Variants in MYH15 observed in about 807,000 individuals in gnomAD.
MYH15 encodes myosin-15.
Under a neutral mutation model 240.5 loss-of-function variants are expected in MYH15, and 227 were observed. That is an observed-to-expected ratio of 0.94 (90% CI 0.85 to 1.05). The LOEUF (loss-of-function observed/expected upper bound fraction) is 1.05. Ranked by LOEUF, MYH15 falls within the 50% of genes least tolerant of loss-of-function variation. The probability of loss-of-function intolerance (pLI) is 0.00; values close to 1 mark genes in which losing one functional copy is unlikely to be tolerated. For synonymous variants in MYH15, 785 were observed against 796.7 expected (o/e 0.99, Z 0.25); for missense variants, 2,217 against 2,247.5 (o/e 0.99, Z 0.27).
intron 21 of MYH15, among the ~76,000 whole-genome samples, chr3:108,448,088 A>G (rs1326341147): frequency 1.3e-5 from 2 of 152,114 alleles, no homozygotes; most frequent in East Asian, 1.9e-4. Context: ...TGTTTTATGT[A>G]AGCCTCATAG....
chr3:108,512,582 T>C (rs1315711959), upstream of MYH15, among the ~76,000 whole-genome samples: 1 of 152,192 alleles, frequency 6.6e-6, no homozygotes, highest in African/African-American at 2.4e-5. Flanking sequence ...AAGAAATGGA[T>C]GTCTGTCTGA....
intron 19 of MYH15, 71 bp downstream of exon 19, chr3:108,456,695 T>G: frequency 4.3e-6 from 5 of 1,151,298 alleles, no homozygotes; most frequent in Non-Finnish European, 6.5e-6. Flanking sequence ...AATGCATGCC[T>G]AAACACTCGG....
upstream of MYH15, chr3:108,510,722 C>T (rs78799187): frequency 0.016 from 12,887 of 821,714 alleles, 154 homozygotes; most frequent in Admixed American, 0.023. Flanking sequence ...TCTTTCTCTT[C>T]GCTATGTCTC....
chr3:108,475,182 CTT>C (rs58788351), intron 12 of MYH15, among the ~76,000 whole-genome samples: 1 of 152,030 alleles, frequency 6.6e-6, no homozygotes, highest in African/African-American at 2.4e-5. Flanking sequence ...TTGTCTATCT[CTT>C]TTTCAGAGTT....
At chr3:108,423,034 T>A (rs1386823221) in intron 27 of MYH15, among the ~76,000 whole-genome samples, 2 of 152,100 alleles carry the variant, frequency 1.3e-5, no homozygotes, top group Admixed American at 1.3e-4. Flanking sequence ...CACAGACAAT[T>A]TGAATGGTGA....
intron 27 of MYH15, among the ~76,000 whole-genome samples, chr3:108,428,251 T>C (rs2082742220): frequency 6.6e-6 from 1 of 152,158 alleles, no homozygotes; most frequent in Non-Finnish European, 1.5e-5. Context: ...ATAAGGAACA[T>C]GGATTTGAAT....
intron 27 of MYH15, among the ~76,000 whole-genome samples, chr3:108,421,852 C>T (rs2082686944): frequency 6.6e-6 from 1 of 152,190 alleles, no homozygotes; most frequent in Admixed American, 6.5e-5. Flanking sequence ...TCAAGATGAC[C>T]CTGTTGGGTT....
At chr3:108,391,995 T>C (rs1576204131) in intron 36 of MYH15, 65 bp from the exon 37 acceptor site, 1 of 1,543,240 alleles carries the variant, frequency 6.5e-7, no homozygotes, top group Non-Finnish European at 8.8e-7. Context: ...TTTTTACCCA[T>C]GATCTTTAGT....
At chr3:108,433,604 GC>G (rs1251325221) in intron 25 of MYH15, among the ~76,000 whole-genome samples, 2 of 152,114 alleles carry the variant, frequency 1.3e-5, no homozygotes, top group Non-Finnish European at 2.9e-5. Context: ...AATCATGGGG[GC>G]AAGTCTTTCC....
At chr3:108,533,556 G>A (rs184671786), upstream of MYH15, among the ~76,000 whole-genome samples, 1 of 152,264 alleles carries the variant, frequency 6.6e-6, no homozygotes, top group East Asian at 1.9e-4. Flanking sequence ...ATCAACCAGG[G>A]AGAGATACAC....
At chr3:108,408,256 T>C (rs1426914673) in intron 32 of MYH15, 24 bp downstream of exon 32, 2 of 1,597,470 alleles carry the variant, frequency 1.3e-6, no homozygotes, top group Non-Finnish European at 8.5e-7. Context: ...AGTGAAAACT[T>C]TCTTTTCTCC....
chr3:108,544,276 A>G, the MYH15 span, among the ~76,000 whole-genome samples: 1 of 152,180 alleles, frequency 6.6e-6, no homozygotes, highest in African/African-American at 2.4e-5. Context: ...AGAGAATCAC[A>G]CTTACAGTTG....
chr3:108,388,943 C>A (rs761728934), intron 38 of MYH15, 27 bp downstream of exon 38: 1 of 1,603,724 alleles, frequency 6.2e-7, no homozygotes, highest in Non-Finnish European at 8.5e-7. Flanking sequence ...CCCAGCCAGA[C>A]AAACAGGGAA....
chr3:108,541,582 A>G, the MYH15 span, among the ~76,000 whole-genome samples: 696 of 152,262 alleles, frequency 4.6e-3, 3 homozygotes, highest in African/African-American at 0.015. Flanking sequence ...AAAGTTTGTT[A>G]ACACCATAAT....
In MYH15 at chr3:108,398,719, T is replaced by C. The variant is rs550107506; in HGVS notation, c.5051A>G (p.Gln1684Arg). Residue 1684 changes from glutamine (Q) to arginine (R), a missense_variant, in exon 35 of 41, where the codon CAA becomes CGA. Coordinates refer to ENST00000693548, the MANE Select transcript of MYH15 (RefSeq NM_014981.3). ...QSELEDLRSL[Q>R]EQTERGRRLS... ...CCTGCGGCCACGCTCTGTCTGCTCT[T>C]GCAGGGACCTTAGATCCTCTAGTTC... 3.7e-6 allele frequency: 6 copies of C among 1,614,202 alleles called. No homozygotes were observed. The highest frequency in any genetic ancestry group is 1.7e-4 in the Middle Eastern group (1 of 6,024).
the MYH15 span, among the ~76,000 whole-genome samples, chr3:108,537,260 A>G: frequency 6.6e-6 from 1 of 152,208 alleles, no homozygotes; most frequent in Non-Finnish European, 1.5e-5. Context: ...CAAAACAGCC[A>G]CACACTCTCC....
chr3:108,509,775 C>T (rs2083508140), intron 1 of MYH15, among the ~76,000 whole-genome samples: 1 of 152,036 alleles, frequency 6.6e-6, no homozygotes. Flanking sequence ...AAAAGAATAA[C>T]ATTTATTTAG....
At chr3:108,530,708 T>A (rs1250573279), upstream of MYH15, among the ~76,000 whole-genome samples, 2 of 152,296 alleles carry the variant, frequency 1.3e-5, no homozygotes, top group Non-Finnish European at 2.9e-5. Context: ...TATTTTCCTC[T>A]CAATTTTGCT....
chr3:108,421,617 C>A (rs752065481), intron 27 of MYH15, among the ~76,000 whole-genome samples: 1 of 152,016 alleles, frequency 6.6e-6, no homozygotes, highest in Non-Finnish European at 1.5e-5. Flanking sequence ...AGATATACCC[C>A]CTATTGTATA....
Sources: allele counts gnomAD v4.1 joint callset (sites outside exome capture counted in the v4.1 genomes callset), GRCh38; gene constraint gnomAD v4.1.1; transcripts MANE v1.5; gene names NCBI Gene and HGNC (gene_info 2026-07-23, HGNC 2026-07-21).